DLG2: variants seen among roughly 807,000 people sequenced by gnomAD.
DLG2 encodes discs large MAGUK scaffold protein 2, also known as disks large homolog 2.
In DLG2, 45 loss-of-function variants were observed where a neutral mutation model predicts 132.5. The observed-to-expected ratio is 0.34, with a 90% confidence interval of 0.27 to 0.44. The LOEUF (loss-of-function observed/expected upper bound fraction) is 0.44, where lower values mean the gene tolerates loss of function less well. Ranked by LOEUF, DLG2 falls within the 20% of genes least tolerant of loss-of-function variation. The probability of loss-of-function intolerance (pLI) is 1.00; values close to 1 mark genes in which losing one functional copy is unlikely to be tolerated. For synonymous variants in DLG2, 424 were observed against 419.6 expected, an observed-to-expected ratio of 1.01 and a Z score of -0.13; for missense variants, 1,045 against 1,196.9, an observed-to-expected ratio of 0.87 and a Z score of 1.87.
intron 6 of DLG2, among the ~76,000 whole-genome samples, chr11:84,781,435 T>C (rs867850269): frequency 6.6e-6 from 1 of 152,040 alleles, no homozygotes; most frequent in African/African-American, 2.4e-5. Flanking sequence ...CATTCATTAA[T>C]CAAATATTTA....
intron 15 of DLG2, among the ~76,000 whole-genome samples, chr11:83,905,474 T>C (rs1483393): frequency 0.33 from 50,739 of 151,996 alleles, 8,799 homozygotes; most frequent in East Asian, 0.5. Context: ...TATGACTAAC[T>C]GAGGAATCCT....
intron 7 of DLG2, among the ~76,000 whole-genome samples, chr11:84,330,051 A>C (rs1206120075): frequency 6.6e-6 from 1 of 152,166 alleles, no homozygotes; most frequent in Non-Finnish European, 1.5e-5. Flanking sequence ...ACATAAGCTC[A>C]TTTCTGTGAA....
chr11:84,536,673 C>T (rs2099356300), intron 6 of DLG2, among the ~76,000 whole-genome samples: 3 of 152,202 alleles, frequency 2.0e-5, no homozygotes, highest in Admixed American at 2.0e-4. Flanking sequence ...TTGATTCTCT[C>T]ATAAAGGCAC....
chr11:84,588,157 C>T (rs2099534200), intron 6 of DLG2, among the ~76,000 whole-genome samples: 1 of 152,168 alleles, frequency 6.6e-6, no homozygotes, highest in Non-Finnish European at 1.5e-5. Context: ...TATTCTGCCT[C>T]TCCATTCAAC....
At chr11:83,662,835 A>T (rs1434398428) in intron 18 of DLG2, among the ~76,000 whole-genome samples, 2 of 152,216 alleles carry the variant, frequency 1.3e-5, no homozygotes, top group East Asian at 3.9e-4. Context: ...AGGATGTTAA[A>T]GGCAAGTAGC....
chr11:84,984,851 A>G (rs1398104794), intron 6 of DLG2, among the ~76,000 whole-genome samples: 2 of 152,224 alleles, frequency 1.3e-5, no homozygotes, highest in Non-Finnish European at 2.9e-5. Context: ...ACATCAGACA[A>G]AACAAAATTT....
intron 6 of DLG2, among the ~76,000 whole-genome samples, chr11:84,853,233 C>T (rs1275287924): frequency 1.3e-5 from 2 of 151,892 alleles, no homozygotes; most frequent in Non-Finnish European, 2.9e-5. Flanking sequence ...CATTATTTGT[C>T]TGGAGGCTAC....
intron 6 of DLG2, among the ~76,000 whole-genome samples, chr11:84,650,849 ATGTGTG>A (rs138640341): frequency 2.2e-3 from 200 of 92,652 alleles, no homozygotes; most frequent in African/African-American, 6.5e-3. Context: ...ACTTTCCTGT[ATGTGTG>A]TGTGTGTGTG....
intron 18 of DLG2, among the ~76,000 whole-genome samples, chr11:83,747,098 G>T (rs960535113): frequency 6.6e-6 from 1 of 152,130 alleles, no homozygotes; most frequent in African/African-American, 2.4e-5. Flanking sequence ...GAGGAGAAGT[G>T]GTGGGAGGTT....
In DLG2 at chr11:84,671,661, G is replaced by A. The variant is rs2099706040; in HGVS notation, c.358-136930C>T. Among the ~76,000 whole-genome samples, 3 of 152,148 alleles carry A rather than the reference G, an allele frequency of 2.0e-5. 1 individual carries two copies. In the South Asian group the frequency reaches 6.2e-4, roughly 31 times the overall value. On this transcript the variant is annotated intron_variant, in intron 6 of 27. Coordinates refer to ENST00000376104, the MANE Select transcript of DLG2 (RefSeq NM_001142699.3). The stretch of plus-strand genomic sequence containing the variant: ...AGAGACAAAATAAAAAGTGACTTGT[G>A]CAGAAAATTCTGGAATAATTAGAAA...
At chr11:85,128,229 T>G (rs2075351136) in intron 5 of DLG2, among the ~76,000 whole-genome samples, 1 of 152,162 alleles carries the variant, frequency 6.6e-6, no homozygotes. Context: ...TTTTTTAAAC[T>G]TTTTCAAATG....
chr11:83,505,777 CTGTCCTTCAGGGA>C (rs1337372354), intron 21 of DLG2, among the ~76,000 whole-genome samples: 2 of 152,212 alleles, frequency 1.3e-5, no homozygotes, highest in Non-Finnish European at 2.9e-5. Context: ...CCCTTCATGG[CTGTCCTTCAGGGA>C]TGTCCTAGAA....
chr11:84,105,642 T>C (rs1044000363), intron 9 of DLG2, among the ~76,000 whole-genome samples: 3 of 152,150 alleles, frequency 2.0e-5, no homozygotes, highest in Non-Finnish European at 4.4e-5. Flanking sequence ...TAGCTAGAAG[T>C]ACTAAATTTG....
chr11:83,566,128 A>G (rs2096705027), intron 19 of DLG2, among the ~76,000 whole-genome samples: 1 of 152,214 alleles, frequency 6.6e-6, no homozygotes, highest in Admixed American at 6.5e-5. Context: ...GTACACAAGA[A>G]ATGTGTGGCT....
chr11:84,502,350 CTT>C lies in DLG2; in HGVS notation c.519+32218_519+32219del, dbSNP rs1567806177. ...TCTTTCTTTCTTTCTTTCTTTCTTT[CTT>C]TCTTTCTTTCTTTCTTTCTTTCTTT... On this transcript the variant is annotated intron_variant, in intron 7 of 27. Transcript: ENST00000376104. Among the ~76,000 whole-genome samples the C allele has an allele frequency of 7.5e-5, 4 of 53,332 alleles. No homozygotes were observed. In the East Asian group the frequency reaches 1.1e-3, roughly 15 times the overall value. 35.0% of individuals were successfully genotyped at this position (53,332 alleles called of 152,430 possible). A position where few individuals can be genotyped will look rare whatever the true frequency, so the allele number is the denominator to read the frequency against.
chr11:83,992,389 G>A (rs1049856374), intron 11 of DLG2, among the ~76,000 whole-genome samples: 7 of 152,080 alleles, frequency 4.6e-5, no homozygotes, highest in Non-Finnish European at 7.4e-5. Context: ...TTGGGCTAGA[G>A]GGGGTAGTGT....
intron 6 of DLG2, among the ~76,000 whole-genome samples, chr11:85,003,754 G>A (rs191409014): frequency 6.6e-6 from 1 of 152,088 alleles, no homozygotes; most frequent in East Asian, 1.9e-4. Flanking sequence ...TAAGTTCTGG[G>A]ATACATATGC....
chr11:85,061,153 G>A (rs1451915087), intron 6 of DLG2, among the ~76,000 whole-genome samples: 1 of 151,498 alleles, frequency 6.6e-6, no homozygotes, highest in African/African-American at 2.4e-5. Context: ...GTGATTTGTA[G>A]ATATTTTCTC....
chr11:84,081,515 C>T (rs1485461444), intron 10 of DLG2, among the ~76,000 whole-genome samples: 2 of 152,010 alleles, frequency 1.3e-5, no homozygotes, highest in Non-Finnish European at 2.9e-5. Context: ...CAACAAATCC[C>T]CACACTGTGT....
Sources: allele counts gnomAD v4.1 joint callset (sites outside exome capture counted in the v4.1 genomes callset), GRCh38; gene constraint gnomAD v4.1.1; transcripts MANE v1.5; gene names NCBI Gene and HGNC (gene_info 2026-07-23, HGNC 2026-07-21).